Variants in GALNT17 observed in about 807,000 individuals in gnomAD.
GALNT17 encodes the protein polypeptide N-acetylgalactosaminyltransferase 17.
In GALNT17, 29 loss-of-function variants were observed where a neutral mutation model predicts 63.7. The ratio of observed to expected loss-of-function variants is 0.46; its 90% CI spans 0.34 to 0.62. The LOEUF (loss-of-function observed/expected upper bound fraction) is 0.62. GALNT17 is among the 20% of genes least tolerant of loss of function. The pLI is 0.01. For missense variants in GALNT17, 603 were observed against 799.6 expected (o/e 0.75, Z 2.97); for synonymous variants, 305 against 318.3 (o/e 0.96, Z 0.45).
chr7:71,664,920 A>G (rs1790961297), intron 6 of GALNT17, among the ~76,000 whole-genome samples: 1 of 152,172 alleles, frequency 6.6e-6, no homozygotes, highest in African/African-American at 2.4e-5. Flanking sequence ...TAGTCAGGTT[A>G]GGTTAGACCA....
intron 9 of GALNT17, among the ~76,000 whole-genome samples, chr7:71,701,009 C>G (rs181856269): frequency 6.6e-6 from 1 of 152,154 alleles, no homozygotes; most frequent in Non-Finnish European, 1.5e-5. Flanking sequence ...CAAACACACC[C>G]CTGCCTTCAT....
At chr7:71,621,982 C>T (rs1380236287) in intron 6 of GALNT17, among the ~76,000 whole-genome samples, 1 of 152,186 alleles carries the variant, frequency 6.6e-6, no homozygotes, top group Non-Finnish European at 1.5e-5. Context: ...GCTTGATTTT[C>T]CCTCCTTGGA....
intron 6 of GALNT17, among the ~76,000 whole-genome samples, chr7:71,603,585 A>G (rs1198735692): frequency 6.6e-6 from 1 of 151,954 alleles, no homozygotes; most frequent in Non-Finnish European, 1.5e-5. Flanking sequence ...CATATGCTGG[A>G]TACCATGCTA....
intron 6 of GALNT17, among the ~76,000 whole-genome samples, chr7:71,593,812 C>G: frequency 6.6e-6 from 1 of 152,178 alleles, no homozygotes; most frequent in East Asian, 1.9e-4. Flanking sequence ...AGAAATACAG[C>G]TTTGTGCTTT....
chr7:71,209,324 A>G (rs1356302117), intron 1 of GALNT17, among the ~76,000 whole-genome samples: 2 of 152,144 alleles, frequency 1.3e-5, no homozygotes, highest in African/African-American at 4.8e-5. Flanking sequence ...AGCAAATTCT[A>G]TGTGCTGGGT....
At chr7:71,252,395 C>T (rs891894568) in intron 1 of GALNT17, among the ~76,000 whole-genome samples, 4 of 151,958 alleles carry the variant, frequency 2.6e-5, no homozygotes, top group African/African-American at 7.3e-5. Flanking sequence ...CACGGTGGCA[C>T]GTGCCTGTAG....
At chr7:71,696,034 T>C (rs1454730105) in intron 9 of GALNT17, among the ~76,000 whole-genome samples, 1 of 152,234 alleles carries the variant, frequency 6.6e-6, no homozygotes, top group African/African-American at 2.4e-5. Flanking sequence ...AATAAATAAA[T>C]GTACTCCAAA....
intron 5 of GALNT17, among the ~76,000 whole-genome samples, chr7:71,428,579 C>T (rs1042659934): frequency 2.0e-5 from 3 of 152,124 alleles, no homozygotes; most frequent in Non-Finnish European, 2.9e-5. Context: ...GCTGGGACTA[C>T]AGGCATGCAC....
chr7:71,336,032 CTTTTTTTTTTTTTTTTTTTT>C (rs1167623885), intron 2 of GALNT17, among the ~76,000 whole-genome samples: 3 of 21,290 alleles, frequency 1.4e-4, no homozygotes, highest in African/African-American at 5.7e-4. Context: ...TTCTTTCTTC[CTTTTTTTTTTTTTTTTTTTT>C]TTTTTTTTTG....
At chr7:71,247,768 T>C (rs1790125715) in intron 1 of GALNT17, among the ~76,000 whole-genome samples, 1 of 152,192 alleles carries the variant, frequency 6.6e-6, no homozygotes, top group African/African-American at 2.4e-5. Flanking sequence ...AAGAGTCTAC[T>C]GTTGACCAGA....
chr7:71,626,866 G>C (rs1437082420), intron 6 of GALNT17, among the ~76,000 whole-genome samples: 1 of 152,222 alleles, frequency 6.6e-6, no homozygotes, highest in Non-Finnish European at 1.5e-5. Flanking sequence ...AGGAGCTGTA[G>C]TGTTTATCAG....
At chr7:71,431,878 A>G (rs1786873511) in intron 5 of GALNT17, among the ~76,000 whole-genome samples, 1 of 152,186 alleles carries the variant, frequency 6.6e-6, no homozygotes, top group South Asian at 2.1e-4. Context: ...GAAAAGATAC[A>G]GATTAAAATC....
intron 1 of GALNT17, among the ~76,000 whole-genome samples, chr7:71,159,016 A>G (rs1300221597): frequency 6.6e-6 from 1 of 151,750 alleles, no homozygotes; most frequent in Non-Finnish European, 1.5e-5. Context: ...TGTTTCCTAT[A>G]TCAGCTTATT....
At chr7:71,516,428 A>G (rs972586865) in intron 5 of GALNT17, among the ~76,000 whole-genome samples, 1 of 152,176 alleles carries the variant, frequency 6.6e-6, no homozygotes, top group Non-Finnish European at 1.5e-5. Flanking sequence ...TGATGGGATC[A>G]GCAGTAGAAC....
intron 5 of GALNT17, among the ~76,000 whole-genome samples, chr7:71,456,684 C>A (rs1043262028): frequency 1.8e-4 from 27 of 150,918 alleles, no homozygotes; most frequent in Non-Finnish European, 3.1e-4. Context: ...AAAAAAAAAA[C>A]AAAGCCTCTC....
At chr7:71,261,113 A>T (rs965523674) in intron 1 of GALNT17, among the ~76,000 whole-genome samples, 4 of 152,124 alleles carry the variant, frequency 2.6e-5, no homozygotes, top group African/African-American at 9.7e-5. Context: ...CTATACTCCG[A>T]TGGATTATAT....
chr7:71,335,141 TA>T (rs1360060659), intron 1 of GALNT17, among the ~76,000 whole-genome samples: 1 of 152,124 alleles, frequency 6.6e-6, no homozygotes, highest in Non-Finnish European at 1.5e-5. Flanking sequence ...TTTATTTATT[TA>T]TTTTTTTGAG....
chr7:71,311,983 G>A (rs1387702399), intron 1 of GALNT17, among the ~76,000 whole-genome samples: 1 of 152,214 alleles, frequency 6.6e-6, no homozygotes, highest in Non-Finnish European at 1.5e-5. Flanking sequence ...ACTTCTCCAT[G>A]AGACATGTCC....
At chr7:71,333,703 G>C (rs1396758706) in intron 1 of GALNT17, among the ~76,000 whole-genome samples, 1 of 152,114 alleles carries the variant, frequency 6.6e-6, no homozygotes, top group East Asian at 1.9e-4. Context: ...GTTTCACCAT[G>C]TTGGCCAGGC....
Sources: allele counts gnomAD v4.1 joint callset (sites outside exome capture counted in the v4.1 genomes callset), GRCh38; gene constraint gnomAD v4.1.1; transcripts MANE v1.5; gene names NCBI Gene and HGNC (gene_info 2026-07-23, HGNC 2026-07-21).